The following CRTC3 variants were observed in gnomAD, a reference collection of about 807,000 sequenced individuals.
CRTC3 encodes the protein CREB regulated transcription coactivator 3.
CRTC3 carries 26 observed loss-of-function variants against 74.5 expected under a neutral mutation model. That is an observed-to-expected ratio of 0.35 (90% CI 0.26 to 0.48). The LOEUF (loss-of-function observed/expected upper bound fraction) is 0.48. CRTC3 is among the 20% of genes least tolerant of loss of function. The probability of loss-of-function intolerance (pLI) is 0.99; values close to 1 mark genes in which losing one functional copy is unlikely to be tolerated. For synonymous variants in CRTC3, 377 were observed against 325.8 expected (o/e 1.16, Z -1.69); for missense variants, 760 against 787.3 (o/e 0.97, Z 0.41).
chr15:90,579,888 C>T (rs376321295), intron 2 of CRTC3, among the ~76,000 whole-genome samples: 10 of 152,092 alleles, frequency 6.6e-5, no homozygotes, highest in South Asian at 2.1e-4. Flanking sequence ...GTGATCCACC[C>T]GCCTCGGCCT....
intron 7 of CRTC3, among the ~76,000 whole-genome samples, chr15:90,617,317 G>C (rs1968519607): frequency 6.6e-6 from 1 of 152,078 alleles, no homozygotes; most frequent in Non-Finnish European, 1.5e-5. Context: ...CTTATCCACT[G>C]ACTAGATTAC....
chr15:90,626,043 C>T, intron 10 of CRTC3, 50 bp downstream of exon 10: 1 of 1,399,864 alleles, frequency 7.1e-7, no homozygotes, highest in Non-Finnish European at 1.0e-6. Flanking sequence ...CATAGGTGGT[C>T]CCCACCCATG....
chr15:90,538,098 C>T (rs1446624705), intron 1 of CRTC3, among the ~76,000 whole-genome samples: 1 of 152,210 alleles, frequency 6.6e-6, no homozygotes, highest in South Asian at 2.1e-4. Context: ...ATACATTCAT[C>T]TTAGTAAGCC....
intron 2 of CRTC3, among the ~76,000 whole-genome samples, chr15:90,578,350 C>G (rs1967455572): frequency 6.6e-6 from 1 of 151,978 alleles, no homozygotes; most frequent in East Asian, 1.9e-4. Flanking sequence ...AGTTCGAGAC[C>G]AGCCTGGCCA....
At chr15:90,639,791 T>C (rs1233567480) in intron 13 of CRTC3, among the ~76,000 whole-genome samples, 1 of 148,690 alleles carries the variant, frequency 6.7e-6, no homozygotes, top group African/African-American at 2.5e-5. Context: ...CTCACGCCTG[T>C]AATCCCAGCA....
intron 1 of CRTC3, among the ~76,000 whole-genome samples, chr15:90,532,183 T>A (rs767596725): frequency 6.6e-6 from 1 of 152,188 alleles, no homozygotes; most frequent in Non-Finnish European, 1.5e-5. Flanking sequence ...AAAGTAACAC[T>A]GCTTGGCTCC....
chr15:90,594,551 C>T (rs75447871), intron 3 of CRTC3: 12,989 of 152,186 alleles, frequency 0.085, 645 homozygotes, highest in Middle Eastern at 0.15. Context: ...GGGTGGGTCT[C>T]GCTGCGGAGA....
At chr15:90,540,325 T>C (rs981559750) in intron 2 of CRTC3, among the ~76,000 whole-genome samples, 188 bp downstream of exon 2, 4 of 152,242 alleles carry the variant, frequency 2.6e-5, no homozygotes, top group Non-Finnish European at 5.9e-5. Context: ...CACAAATGGC[T>C]GAAGGCAGCA....
intron 8 of CRTC3, chr15:90,618,231 A>G (rs891699993): frequency 4.3e-6 from 1 of 232,690 alleles, no homozygotes; most frequent in Non-Finnish European, 8.3e-6. Context: ...AACCCTGCTA[A>G]GTCCTCCATA....
rs1201384908 is a variant in CRTC3, at chr15:90,530,080, C to G, written c.9C>G (p.Ala3=). The G allele has an allele frequency of 3.4e-5, 49 of 1,435,628 alleles. No individual in the cohort carries two copies. The highest frequency in any genetic ancestry group is 4.5e-5 in the Non-Finnish European group (49 of 1,078,302). 88.9% of individuals were successfully genotyped at this position (1,435,628 alleles called of 1,614,324 possible). A position where few individuals can be genotyped will look rare whatever the true frequency, so the allele number is the denominator to read the frequency against. MA[A]SPGSGSANPR... ...CGCGCAGAGTCCGCGCCATGGCCGC[C>G]TCGCCGGGCTCGGGCAGCGCCAACC... The change falls in exon 1 of 15, where the codon GCC becomes GCG. Residue 3 remains alanine, a synonymous_variant. Coordinates refer to ENST00000268184, the MANE Select transcript of CRTC3 (RefSeq NM_022769.5). This position sits in a 1 kb window ranked among gnomAD's most constrained non-coding sequence, Gnocchi z 6.2.
intron 1 of CRTC3, among the ~76,000 whole-genome samples, chr15:90,534,824 C>T (rs2151053384): frequency 6.6e-6 from 1 of 152,264 alleles, no homozygotes; most frequent in Middle Eastern, 3.4e-3. Flanking sequence ...AGATTCCCTG[C>T]TTGGCAGCTG....
In CRTC3 at chr15:90,641,934, G is replaced by A; in HGVS notation, c.1654G>A (p.Asp552Asn). 1 of 1,613,188 alleles carries A rather than the reference G, an allele frequency of 6.2e-7. No individual in the cohort carries two copies. Among genetic ancestry groups the A allele is most frequent in the Non-Finnish European group, 8.5e-7 (1 of 1,179,782 alleles). Residue 552 changes from aspartate to asparagine, a missense_variant and splice_region_variant, in exon 15 of 15, where the codon GAC becomes AAC. By Grantham distance (23) the Asp-to-Asn change is conservative. Transcript: ENST00000268184. ...TCCCCTCTGGCCACTCCTTTCAGAA[G>A]ACTCCAGCACCAGCCTGTTCAAAGA... ...GSLPNTILPEDSSTSLFKDLN... is the reference protein window; with the variant it reads ...GSLPNTILPENSSTSLFKDLN...
intron 4 of CRTC3, among the ~76,000 whole-genome samples, chr15:90,603,421 T>A (rs547169136): frequency 5.3e-5 from 8 of 151,908 alleles, no homozygotes; most frequent in Admixed American, 2.6e-4. Context: ...CCAGCCTGGG[T>A]GACAGAGCGA....
chr15:90,620,053 C>T (rs982642855), intron 9 of CRTC3: 11 of 419,014 alleles, frequency 2.6e-5, no homozygotes, highest in Non-Finnish European at 4.3e-5. Flanking sequence ...GGTAAATACA[C>T]AACTCTCCGG....
At chr15:90,531,807 A>G (rs946072946) in intron 1 of CRTC3, among the ~76,000 whole-genome samples, 7 of 152,170 alleles carry the variant, frequency 4.6e-5, no homozygotes, top group South Asian at 2.1e-4. Flanking sequence ...CATGCACTGT[A>G]TATGTCTGTA....
chr15:90,548,135 C>T lies in CRTC3; in HGVS notation c.231+7998C>T, dbSNP rs1005006385. ...AACTCCTGAGCTCAAGCGATCCACC[C>T]GCCGTGGCCTCCCAAAGTGGTAGGA... On this transcript the variant is annotated intron_variant, in intron 2 of 14. Coordinates refer to ENST00000268184, the MANE Select transcript of CRTC3 (RefSeq NM_022769.5). Among the ~76,000 whole-genome samples, 6 of 147,316 alleles carry T rather than the reference C, an allele frequency of 4.1e-5. No homozygotes were observed. The East Asian group carries it at 5.8e-4, about 14-fold the overall frequency.
intron 9 of CRTC3, among the ~76,000 whole-genome samples, chr15:90,624,516 C>T (rs981737253): frequency 6.6e-6 from 1 of 152,178 alleles, no homozygotes; most frequent in African/African-American, 2.4e-5. Flanking sequence ...GACACCTCAG[C>T]CATGCCCAGC....
At position 90,642,873 on chromosome 15, in the gene CRTC3, G is replaced by T. The variant is rs1023847688; in HGVS notation, c.*733G>T. 18 of 233,134 alleles carry T rather than the reference G, an allele frequency of 7.7e-5. No individual in the cohort carries two copies. The highest frequency in any genetic ancestry group is 1.0e-4 in the Non-Finnish European group (12 of 117,978). The allele number at this position is 233,134 out of a possible 1,614,324, so 14.4% of individuals were successfully genotyped here. ...CCCCTGGCACTGATGAGCCTGAAGA[G>T]AACTGTGCTCCTCCTCGGGGGCTGG... On this transcript the variant is annotated 3_prime_UTR_variant, in exon 15 of 15. Transcript: ENST00000268184.
chr15:90,615,203 T>G (rs931508305), intron 7 of CRTC3, among the ~76,000 whole-genome samples: 1 of 152,078 alleles, frequency 6.6e-6, no homozygotes, highest in African/African-American at 2.4e-5. Context: ...GAAATGAAAA[T>G]GCAAACCTTA....
Sources: gnomAD v4.1 joint callset for allele counts (sites outside exome capture counted in the v4.1 genomes callset) on GRCh38, gnomAD v4.1.1 for gene constraint, Gnocchi (gnomAD v3.1) non-coding constraint, MANE v1.5 for transcripts, NCBI Gene and HGNC (gene_info 2026-07-23, HGNC 2026-07-21) for gene names.